The following DSCAM variants were observed in gnomAD, a reference collection of about 807,000 sequenced individuals.
DSCAM encodes the protein cell adhesion molecule DSCAM.
A neutral mutation model predicts 217.7 loss-of-function variants in DSCAM; 47 were observed. The ratio of observed to expected loss-of-function variants is 0.22; its 90% CI spans 0.17 to 0.28. The LOEUF (loss-of-function observed/expected upper bound fraction) is 0.28, where lower values mean the gene tolerates loss of function less well. DSCAM is among the 10% of genes least tolerant of loss of function. The pLI is 1.00. For synonymous variants in DSCAM, 1,056 were observed against 1,015.3 expected (o/e 1.04, Z -0.76); for missense variants, 2,080 against 2,618.3 (o/e 0.79, Z 4.49).
intron 2 of DSCAM, among the ~76,000 whole-genome samples, chr21:40,706,772 A>T (rs1287674705): frequency 1.3e-5 from 2 of 152,242 alleles, no homozygotes; most frequent in Non-Finnish European, 2.9e-5. Context: ...TGAACAACCT[A>T]AAAGATTATT....
intron 3 of DSCAM, among the ~76,000 whole-genome samples, chr21:40,597,829 A>C (rs73368908): frequency 0.051 from 7,745 of 152,048 alleles, 591 homozygotes; most frequent in African/African-American, 0.16. Context: ...TAGAACAGTT[A>C]CAGATGTATA....
At chr21:40,631,229 T>G (rs2089687360) in intron 3 of DSCAM, among the ~76,000 whole-genome samples, 1 of 152,188 alleles carries the variant, frequency 6.6e-6, no homozygotes, top group African/African-American at 2.4e-5. Flanking sequence ...TCTGCCACAG[T>G]GCAGCTCTAT....
intron 1 of DSCAM, among the ~76,000 whole-genome samples, chr21:40,789,094 G>T (rs561421925): frequency 6.6e-6 from 1 of 152,044 alleles, no homozygotes; most frequent in African/African-American, 2.4e-5. Context: ...TGCTACAAAC[G>T]CTTCATCTTA....
At chr21:40,479,417 T>G (rs1435948628) in intron 3 of DSCAM, among the ~76,000 whole-genome samples, 2 of 152,204 alleles carry the variant, frequency 1.3e-5, no homozygotes, top group Non-Finnish European at 1.5e-5. Flanking sequence ...ACATATGTAT[T>G]AGTCCATTTT....
At position 40,397,832 on chromosome 21, in the gene DSCAM, C is replaced by T. The variant is rs550127138; in HGVS notation, c.509-28587G>A. Among the ~76,000 whole-genome samples, 323 of 152,176 alleles carry T rather than the reference C, an allele frequency of 2.1e-3. 1 individual carries two copies. Among genetic ancestry groups the T allele is most frequent in the Non-Finnish European group, 3.4e-3 (233 of 67,988 alleles). On this transcript the variant is annotated intron_variant, in intron 3 of 32. Coordinates refer to ENST00000400454, the MANE Select transcript of DSCAM (RefSeq NM_001389.5). ...ACTGCTACCACCCCTACTATCATCACTACTACCACTAATACTACCACCACC... is the reference window on the plus strand; with the variant it reads ...ACTGCTACCACCCCTACTATCATCATTACTACCACTAATACTACCACCACC...
intron 3 of DSCAM, among the ~76,000 whole-genome samples, chr21:40,547,309 G>A (rs560354470): frequency 6.6e-6 from 1 of 152,290 alleles, no homozygotes; most frequent in South Asian, 2.1e-4. Flanking sequence ...TCTGGTGACT[G>A]AGGGAAACAC....
chr21:40,141,975 T>TACACACACAC (rs72076559), intron 18 of DSCAM, among the ~76,000 whole-genome samples: 129 of 143,202 alleles, frequency 9.0e-4, no homozygotes, highest in Middle Eastern at 3.6e-3. Context: ...CCACTTGAAA[T>TACACACACAC]ACACACACAC....
chr21:40,560,007 A>G (rs141060526), intron 3 of DSCAM, among the ~76,000 whole-genome samples: 4,688 of 152,010 alleles, frequency 0.031, 240 homozygotes, highest in African/African-American at 0.11. Flanking sequence ...GTTAGCCAGG[A>G]TGGTCTCGAT....
At chr21:40,039,479 A>C (rs947200691) in intron 32 of DSCAM, among the ~76,000 whole-genome samples, 1 of 152,204 alleles carries the variant, frequency 6.6e-6, no homozygotes, top group Non-Finnish European at 1.5e-5. Context: ...TCATTCATAC[A>C]GTAAGGTTTA....
At chr21:40,422,377 C>A (rs557849524) in intron 3 of DSCAM, among the ~76,000 whole-genome samples, 1 of 152,284 alleles carries the variant, frequency 6.6e-6, no homozygotes, top group African/African-American at 2.4e-5. Flanking sequence ...CTCCTATAAC[C>A]CCAGCACTGT....
intron 8 of DSCAM, among the ~76,000 whole-genome samples, chr21:40,316,840 G>A (rs1882760): frequency 0.54 from 82,110 of 151,944 alleles, 22,715 homozygotes; most frequent in African/African-American, 0.62. Flanking sequence ...AGATCAGACT[G>A]ATATATTTCT....
At chr21:40,378,162 T>C (rs1420837413) in intron 3 of DSCAM, among the ~76,000 whole-genome samples, 1 of 152,206 alleles carries the variant, frequency 6.6e-6, no homozygotes, top group Non-Finnish European at 1.5e-5. Context: ...ATTAGTCAAC[T>C]TAATATTGCA....
intron 11 of DSCAM, among the ~76,000 whole-genome samples, chr21:40,257,146 C>G (rs2073383343): frequency 6.6e-6 from 1 of 152,104 alleles, no homozygotes; most frequent in East Asian, 1.9e-4. Context: ...TTCTTGGTAT[C>G]TTTGGGGAAT....
intron 2 of DSCAM, among the ~76,000 whole-genome samples, chr21:40,698,924 G>T (rs911859757): frequency 1.4e-5 from 2 of 147,572 alleles, no homozygotes; most frequent in Admixed American, 6.8e-5. Context: ...TCGTGTCTCT[G>T]AGTCCATTCT....
intron 11 of DSCAM, among the ~76,000 whole-genome samples, chr21:40,258,867 A>G (rs1202841705): frequency 1.3e-5 from 2 of 152,100 alleles, no homozygotes; most frequent in African/African-American, 4.8e-5. Flanking sequence ...GTTCCAGCCA[A>G]TGGAAACCAG....
In DSCAM at chr21:40,349,136, C is replaced by CAAAAAAAAAAAAAAAAAAAAAAAAAAAAA. The variant is rs758386936; in HGVS notation, c.935-1192_935-1191insTTTTTTTTTTTTTTTTTTTTTTTTTTTTT. 3.5e-3 allele frequency among the ~76,000 whole-genome samples: 137 copies of CAAAAAAAAAAAAAAAAAAAAAAAAAAAAA among 38,658 alleles called. 13 individuals are homozygous for CAAAAAAAAAAAAAAAAAAAAAAAAAAAAA. Among genetic ancestry groups the CAAAAAAAAAAAAAAAAAAAAAAAAAAAAA allele is most frequent in the Middle Eastern group, 0.027 (2 of 74 alleles). 25.4% of individuals were successfully genotyped at this position (38,658 alleles called of 152,430 possible). ...TGGGGGACAGAGTGAGACTCCATCT[C>CAAAAAAAAAAAAAAAAAAAAAAAAAAAAA]AAAAAAAAAAAAAAAAAAAGAAATG... On this transcript the variant is annotated intron_variant, in intron 5 of 32. Coordinates refer to ENST00000400454, the MANE Select transcript of DSCAM (RefSeq NM_001389.5).
intron 20 of DSCAM, among the ~76,000 whole-genome samples, chr21:40,100,027 T>C (rs1021519326): frequency 1.3e-5 from 2 of 151,920 alleles, no homozygotes; most frequent in African/African-American, 4.8e-5. Flanking sequence ...CCTCCTAGAG[T>C]GAAGCAGGGT....
intron 8 of DSCAM, among the ~76,000 whole-genome samples, chr21:40,314,662 C>G (rs1232792619): frequency 6.6e-6 from 1 of 152,082 alleles, no homozygotes; most frequent in Non-Finnish European, 1.5e-5. Flanking sequence ...CATTTCCTCC[C>G]CTTTGATTTC....
intron 3 of DSCAM, among the ~76,000 whole-genome samples, chr21:40,468,600 G>C (rs144276077): frequency 1.3e-5 from 2 of 152,160 alleles, no homozygotes; most frequent in South Asian, 2.1e-4. Context: ...AACAAGGAGG[G>C]GTTTCCTGAA....
Sources: allele counts gnomAD v4.1 joint callset (sites outside exome capture counted in the v4.1 genomes callset), GRCh38; gene constraint gnomAD v4.1.1; transcripts MANE v1.5; gene names NCBI Gene and HGNC (gene_info 2026-07-23, HGNC 2026-07-21).